PCBP3: variants seen among roughly 807,000 people sequenced by gnomAD.
PCBP3 encodes poly(rC)-binding protein 3.
In PCBP3, 25 loss-of-function variants were observed where a neutral mutation model predicts 52.7. The ratio of observed to expected loss-of-function variants is 0.47; its 90% confidence interval spans 0.35 to 0.66. PCBP3 has a LOEUF of 0.66. PCBP3 is among the 30% of genes least tolerant of loss of function. PCBP3 has a pLI of 0.01. For synonymous variants in PCBP3, 162 were observed against 183.0 expected (o/e 0.89, Z 0.93); for missense variants, 391 against 490.3 (o/e 0.80, Z 1.91).
At chr21:45,739,103 C>T (rs1165653901) in intron 3 of PCBP3, among the ~76,000 whole-genome samples, 2 of 132,364 alleles carry the variant, frequency 1.5e-5, no homozygotes, top group African/African-American at 2.9e-5. Context: ...CCTTCCTGTC[C>T]GCGGTCCTCT....
intron 4 of PCBP3, among the ~76,000 whole-genome samples, chr21:45,814,974 A>AG (rs1569259693): frequency 3.3e-5 from 3 of 90,336 alleles, no homozygotes; most frequent in Admixed American, 1.2e-4. Flanking sequence ...GTGGTGAGTG[A>AG]TGAGTGAGTG....
intron 4 of PCBP3, among the ~76,000 whole-genome samples, chr21:45,823,216 C>G (rs2093198808): frequency 6.6e-6 from 1 of 152,190 alleles, no homozygotes; most frequent in Non-Finnish European, 1.5e-5. Context: ...TCCCCATGAC[C>G]CCTCAGGTCA....
chr21:45,807,687 T>C (rs1448073943), intron 4 of PCBP3, among the ~76,000 whole-genome samples: 1 of 151,418 alleles, frequency 6.6e-6, no homozygotes, highest in Non-Finnish European at 1.5e-5. Context: ...AAAACTACTC[T>C]AAATTTCATA....
chr21:45,848,785 C>T (rs962041370), intron 4 of PCBP3, among the ~76,000 whole-genome samples: 1 of 152,190 alleles, frequency 6.6e-6, no homozygotes, highest in African/African-American at 2.4e-5. Context: ...GTTCCATTAG[C>T]TGAAGAAGTT....
In PCBP3 at chr21:45,750,990, T is replaced by G. The variant is rs556743219; in HGVS notation, c.-161-4427T>G. The G allele has an allele frequency of 2.6e-5, 4 of 152,230 alleles. No individual in the cohort carries two copies. The East Asian group carries it at 7.7e-4, about 29-fold the overall frequency. 9.4% of individuals were successfully genotyped at this position (152,230 alleles called of 1,614,324 possible). A position where few individuals can be genotyped will look rare whatever the true frequency, so the allele number is the denominator to read the frequency against. On this transcript the variant is annotated intron_variant, in intron 3 of 17. Transcript: ENST00000681687. Reference sequence around the variant, plus strand: ...TTTCTCTTCCTGTTATCCCCACCCCTTGTACATGACAGTGATGTTCTAAGG... The same window carrying G: ...TTTCTCTTCCTGTTATCCCCACCCCGTGTACATGACAGTGATGTTCTAAGG...
rs570998737 is a variant in PCBP3, at chr21:45,662,577, T to C, written c.-278-6297T>C. ...AAAATATATAAAATAACAAGAGTTA[T>C]ACTAGATATAGATCATAGATATGAT... On this transcript the variant is annotated intron_variant, in intron 1 of 17. Coordinates refer to ENST00000681687, the MANE Select transcript of PCBP3 (RefSeq NM_001384156.1). 3.3e-5 allele frequency among the ~76,000 whole-genome samples: 5 copies of C among 152,222 alleles called. No individual in the cohort carries two copies. The East Asian group carries it at 7.7e-4, about 24-fold the overall frequency.
chr21:45,733,015 T>C (rs2085572912), intron 2 of PCBP3, among the ~76,000 whole-genome samples: 1 of 152,214 alleles, frequency 6.6e-6, no homozygotes, highest in Non-Finnish European at 1.5e-5. Flanking sequence ...TATTTTTGTC[T>C]TTTGGGAGTA....
chr21:45,856,063 G>T (rs1166882842), intron 5 of PCBP3, among the ~76,000 whole-genome samples: 1 of 152,162 alleles, frequency 6.6e-6, no homozygotes, highest in Non-Finnish European at 1.5e-5. Context: ...GCCATATTTT[G>T]AAATGGGCCT....
At chr21:45,681,752 A>G (rs1297630759) in intron 2 of PCBP3, among the ~76,000 whole-genome samples, 1 of 152,154 alleles carries the variant, frequency 6.6e-6, no homozygotes, top group African/African-American at 2.4e-5. Context: ...TGTCAGGGTA[A>G]TACTAACTTT....
intron 4 of PCBP3, among the ~76,000 whole-genome samples, chr21:45,779,478 G>A (rs2090484587): frequency 6.6e-6 from 1 of 152,090 alleles, no homozygotes; most frequent in African/African-American, 2.4e-5. Flanking sequence ...TTACTTCTCT[G>A]TTGAATTCAC....
Position 45,746,847 on chromosome 21 carries a change from G to A in PCBP3, c.-161-8570G>A, listed in dbSNP as rs1292319946. Reference sequence around the variant, plus strand: ...AGCATCGCCGTGTCAGTCCACTGACGTAGCGCACACGGTGTTGTGTCAGCA... The same window carrying A: ...AGCATCGCCGTGTCAGTCCACTGACATAGCGCACACGGTGTTGTGTCAGCA... On this transcript the variant is annotated intron_variant, in intron 3 of 17. Transcript: ENST00000681687. 1.5e-4 allele frequency among the ~76,000 whole-genome samples: 6 copies of A among 41,044 alleles called. 1 individual carries two copies. Among genetic ancestry groups the A allele is most frequent in the African/African-American group, 7.8e-4 (6 of 7,702 alleles). The allele number at this position is 41,044 out of a possible 152,430, so 26.9% of individuals were successfully genotyped here.
chr21:45,869,293 T>C (rs2094898419), intron 5 of PCBP3: 2 of 152,256 alleles, frequency 1.3e-5, no homozygotes, highest in African/African-American at 4.8e-5. Flanking sequence ...GGCTGGGCAG[T>C]GGGCAGCGTC....
chr21:45,804,678 C>T (rs1052943478), intron 4 of PCBP3, among the ~76,000 whole-genome samples: 9 of 152,110 alleles, frequency 5.9e-5, no homozygotes, highest in African/African-American at 9.7e-5. Context: ...ACCAGGCATT[C>T]GGCTCCTGAA....
chr21:45,745,888 AGCGCCACACG>A lies in PCBP3; in HGVS notation c.-161-9527_-161-9518del, dbSNP rs1569175448. Among the ~76,000 whole-genome samples, 89 of 152,112 alleles carry A rather than the reference AGCGCCACACG, an allele frequency of 5.9e-4. 1 individual carries two copies. In the Middle Eastern group the frequency reaches 0.01, roughly 18 times the overall value. ...GTGTTGGCATCGTGTGAAGGCAGAC[AGCGCCACACG>A]GTGTTGTGTCAGCATCGCTGTGTCA... On this transcript the variant is annotated intron_variant, in intron 3 of 17. Transcript: ENST00000681687.
At chr21:45,705,567 G>T (rs1160620913) in intron 2 of PCBP3, among the ~76,000 whole-genome samples, 1 of 152,202 alleles carries the variant, frequency 6.6e-6, no homozygotes. Context: ...GCATGTCAGG[G>T]TGCTCCTGTC....
chr21:45,900,062 G>T (rs1031384386), intron 7 of PCBP3, among the ~76,000 whole-genome samples: 4 of 152,220 alleles, frequency 2.6e-5, no homozygotes, highest in African/African-American at 9.6e-5. Context: ...GAAGCCTGCT[G>T]CCCCGGGAGG....
chr21:45,751,709 A>C (rs1435745091), intron 3 of PCBP3: 1 of 152,290 alleles, frequency 6.6e-6, no homozygotes, highest in Non-Finnish European at 1.5e-5. Context: ...GGCAGTGCTC[A>C]GTGCTCCTCC....
chr21:45,823,731 T>TA (rs1411620969), intron 4 of PCBP3, among the ~76,000 whole-genome samples: 25 of 66,792 alleles, frequency 3.7e-4, no homozygotes, highest in South Asian at 1.7e-3. Flanking sequence ...TGTTTTTTTT[T>TA]TATTTTTTAA....
intron 2 of PCBP3, among the ~76,000 whole-genome samples, chr21:45,723,161 A>G (rs1046579035): frequency 6.6e-6 from 1 of 152,214 alleles, no homozygotes; most frequent in South Asian, 2.1e-4. Flanking sequence ...CTTTCTGCAC[A>G]GAGAGCTGGC....
Sources: allele counts gnomAD v4.1 joint callset (sites outside exome capture counted in the v4.1 genomes callset), GRCh38; gene constraint gnomAD v4.1.1; transcripts MANE v1.5; gene names NCBI Gene and HGNC (gene_info 2026-07-23, HGNC 2026-07-21).